The following DMXL2 variants were observed in gnomAD, a reference collection of about 807,000 sequenced individuals.
DMXL2 encodes dmX-like protein 2.
A neutral mutation model predicts 331.1 loss-of-function variants in DMXL2; 103 were observed. The observed-to-expected ratio is 0.31, with a 90% CI of 0.27 to 0.37. The LOEUF (loss-of-function observed/expected upper bound fraction) is 0.37, where lower values mean the gene tolerates loss of function less well. Ranked by LOEUF, DMXL2 falls within the 10% of genes least tolerant of loss-of-function variation. DMXL2 has a pLI of 1.00. For synonymous variants in DMXL2, 1,281 were observed against 1,252.1 expected (o/e 1.02, Z -0.49); for missense variants, 3,171 against 3,642.9 (o/e 0.87, Z 3.33).
chr15:51,493,911 A>G (rs1215226451), intron 19 of DMXL2, among the ~76,000 whole-genome samples: 2 of 152,122 alleles, frequency 1.3e-5, no homozygotes, highest in Admixed American at 1.3e-4. Flanking sequence ...TTTTTATTTT[A>G]TATTTTTTAT....
intron 10 of DMXL2, among the ~76,000 whole-genome samples, chr15:51,537,975 A>G (rs2048376920): frequency 6.6e-6 from 1 of 152,198 alleles, no homozygotes; most frequent in Non-Finnish European, 1.5e-5. Flanking sequence ...TATTACTACC[A>G]TTTAGCAAAA....
chr15:51,563,896 C>A (rs755683235), intron 5 of DMXL2, among the ~76,000 whole-genome samples: 4 of 152,086 alleles, frequency 2.6e-5, no homozygotes, highest in Non-Finnish European at 5.9e-5. Flanking sequence ...CTGTCAACTC[C>A]TGTCCTGGGG....
intron 29 of DMXL2, among the ~76,000 whole-genome samples, chr15:51,468,940 G>A (rs1401586429): frequency 6.6e-6 from 1 of 151,944 alleles, no homozygotes; most frequent in African/African-American, 2.4e-5. Context: ...AACGAAAAAG[G>A]TGGGAGTTAA....
chr15:51,518,927 A>G (rs2047187917), intron 13 of DMXL2, among the ~76,000 whole-genome samples: 1 of 152,224 alleles, frequency 6.6e-6, no homozygotes, highest in Non-Finnish European at 1.5e-5. Context: ...GAAGTAAAGC[A>G]TTCGCCCAGG....
intron 2 of DMXL2, among the ~76,000 whole-genome samples, chr15:51,570,211 C>T (rs954919759): frequency 6.6e-6 from 1 of 151,332 alleles, no homozygotes; most frequent in Non-Finnish European, 1.5e-5. Context: ...AAGATAAACT[C>T]AATGAAATAA....
At chr15:51,577,444 T>C (rs181701486) in intron 1 of DMXL2, among the ~76,000 whole-genome samples, 2 of 152,138 alleles carry the variant, frequency 1.3e-5, no homozygotes, top group Non-Finnish European at 2.9e-5. Context: ...TTTATAAAAA[T>C]CAAAAAGTTC....
At position 51,456,067 on chromosome 15, in the gene DMXL2, T is replaced by G; in HGVS notation, c.8525A>C (p.Lys2842Thr). The G allele has an allele frequency of 6.2e-7, 1 of 1,614,140 alleles. No individual in the cohort carries two copies. The highest frequency in any genetic ancestry group is 8.5e-7 in the Non-Finnish European group (1 of 1,179,990). The part of the protein sequence containing the change: ...TRLYFNSQGN[K>T]CGVADGEGFL... ...CAGCAGTAGCCCCCAGAAACTAACCTTGTTGCCTTGTGAATTAAAATATAA... is the reference window on the plus strand; with the variant it reads ...CAGCAGTAGCCCCCAGAAACTAACCGTGTTGCCTTGTGAATTAAAATATAA... Residue 2842 changes from lysine (K) to threonine (T), a missense_variant and splice_region_variant, in exon 39 of 44, where the codon AAG (lysine) becomes ACG (threonine). Physicochemically the swap from Lys to Thr is moderately conservative, Grantham distance 78 (BLOSUM62 -1). This residue lies in a region of DMXL2 where 766 missense variants were observed against 940.5 expected (regional missense o/e 0.81). Transcript: ENST00000560891.
At chr15:51,482,387 C>A (rs1433814949) in intron 23 of DMXL2, among the ~76,000 whole-genome samples, 3 of 151,974 alleles carry the variant, frequency 2.0e-5, no homozygotes, top group African/African-American at 7.2e-5. Context: ...CCATGAGAAT[C>A]CAAACATTTC....
chr15:51,567,318 G>C (rs1017786380), intron 3 of DMXL2: 2 of 152,206 alleles, frequency 1.3e-5, no homozygotes, highest in African/African-American at 4.8e-5. Flanking sequence ...TGGGATTACA[G>C]GTGTGAGCCA....
At chr15:51,606,527 T>C (rs866175935) in intron 1 of DMXL2, among the ~76,000 whole-genome samples, 62 of 152,298 alleles carry the variant, frequency 4.1e-4, no homozygotes, top group African/African-American at 1.4e-3. Context: ...CTTTGCATCA[T>C]TTAGATGGTT....
intron 1 of DMXL2, among the ~76,000 whole-genome samples, chr15:51,594,252 A>AG (rs1165108514): frequency 6.6e-6 from 1 of 152,226 alleles, no homozygotes; most frequent in Non-Finnish European, 1.5e-5. Flanking sequence ...GATCCCACAG[A>AG]AATACAAACT....
chr15:51,505,084 G>A (rs1027062924), intron 16 of DMXL2, among the ~76,000 whole-genome samples: 1 of 152,132 alleles, frequency 6.6e-6, no homozygotes, highest in Non-Finnish European at 1.5e-5. Flanking sequence ...CTCAGTGCCT[G>A]GCACCCAGAA....
At chr15:51,563,995 A>G in intron 5 of DMXL2, 130 bp downstream of exon 5, 1 of 912,074 alleles carries the variant, frequency 1.1e-6, no homozygotes, top group Non-Finnish European at 1.5e-6. Context: ...TTTGGTTAGA[A>G]AAAAATCTAC....
At chr15:51,457,591 A>C (rs2039745253) in intron 36 of DMXL2, 125 bp from the exon 37 acceptor site, 8 of 1,160,994 alleles carry the variant, frequency 6.9e-6, no homozygotes, top group Non-Finnish European at 9.6e-6. Flanking sequence ...CCATGAGAAA[A>C]ACTTAGGTAC....
At chr15:51,517,456 G>A (rs1161233209) in intron 13 of DMXL2, among the ~76,000 whole-genome samples, 2 of 152,200 alleles carry the variant, frequency 1.3e-5, no homozygotes, top group Non-Finnish European at 2.9e-5. Context: ...TGAAGATCTG[G>A]CCCAATGCCT....
chr15:51,620,990 C>G (rs1412258508), intron 1 of DMXL2, among the ~76,000 whole-genome samples: 1 of 152,084 alleles, frequency 6.6e-6, no homozygotes, highest in Non-Finnish European at 1.5e-5. Context: ...AAAATATAAC[C>G]AAAGATTCCA....
chr15:51,542,184 A>C, intron 9 of DMXL2, 149 bp downstream of exon 9: 2 of 739,764 alleles, frequency 2.7e-6, no homozygotes, highest in Non-Finnish European at 4.3e-6. Flanking sequence ...CCAATTCAAA[A>C]AATGGTACTT....
chr15:51,580,776 T>C (rs1405789036), intron 1 of DMXL2, among the ~76,000 whole-genome samples: 1 of 151,280 alleles, frequency 6.6e-6, no homozygotes, highest in Non-Finnish European at 1.5e-5. Flanking sequence ...CAGAGATAAT[T>C]CTGTAGCATA....
intron 18 of DMXL2, among the ~76,000 whole-genome samples, chr15:51,496,569 T>A (rs1395712879): frequency 1.3e-5 from 2 of 152,216 alleles, no homozygotes; most frequent in Non-Finnish European, 2.9e-5. Flanking sequence ...CACCAGTATA[T>A]GTTGAGCAAA....
Sources: allele counts gnomAD v4.1 joint callset (sites outside exome capture counted in the v4.1 genomes callset), GRCh38; gene constraint gnomAD v4.1.1; regional missense constraint gnomAD v4.1.1; transcripts MANE v1.5; gene names NCBI Gene and HGNC (gene_info 2026-07-23, HGNC 2026-07-21).